TLK1: variants seen among roughly 807,000 people sequenced by gnomAD.
TLK1 encodes the protein serine/threonine-protein kinase tousled-like 1.
In TLK1, 24 loss-of-function variants were observed where a neutral mutation model predicts 105.3. That is an observed-to-expected ratio of 0.23 (90% CI 0.17 to 0.32). The LOEUF is 0.32. TLK1 is among the 10% of genes least tolerant of loss of function. The pLI is 1.00. For missense variants in TLK1, 558 were observed against 910.5 expected, an observed-to-expected ratio of 0.61 and a Z score of 4.98; for synonymous variants, 321 against 310.4, an observed-to-expected ratio of 1.03 and a Z score of -0.36.
At chr2:171,056,692 C>CAA in intron 5 of TLK1, 126 bp from the exon 6 acceptor site, 1 of 582,692 alleles carries the variant, frequency 1.7e-6, no homozygotes, top group Non-Finnish European at 2.7e-6. Context: ...TAAATGGGTC[C>CAA]AGAACAAAAA....
intron 1 of TLK1, among the ~76,000 whole-genome samples, chr2:171,150,610 G>A (rs1185307088): frequency 6.6e-6 from 1 of 152,212 alleles, no homozygotes; most frequent in African/African-American, 2.4e-5. Context: ...CAACTGACAT[G>A]TGGACATCAG....
chr2:171,146,918 C>T (rs1028050691), intron 1 of TLK1, among the ~76,000 whole-genome samples: 3 of 152,172 alleles, frequency 2.0e-5, no homozygotes, highest in African/African-American at 7.2e-5. Flanking sequence ...TCCTTAAGGC[C>T]TAACTGGGGT....
intron 3 of TLK1, among the ~76,000 whole-genome samples, chr2:171,073,464 G>A (rs1395168723): frequency 1.3e-5 from 2 of 151,966 alleles, no homozygotes; most frequent in African/African-American, 4.8e-5. Context: ...TCCAAGCAGG[G>A]AGCCTGGCTA....
intron 20 of TLK1, among the ~76,000 whole-genome samples, chr2:170,996,054 G>A (rs1684043992): frequency 6.6e-6 from 1 of 151,566 alleles, no homozygotes; most frequent in South Asian, 2.1e-4. Context: ...TTTGAGTGCA[G>A]CGGTATCGTC....
chr2:171,134,710 G>T (rs1217332607), intron 1 of TLK1, among the ~76,000 whole-genome samples: 1 of 144,062 alleles, frequency 6.9e-6, no homozygotes. Flanking sequence ...TATATACAAT[G>T]TAATACTATT....
At chr2:171,157,519 A>G (rs1031393243) in intron 1 of TLK1, among the ~76,000 whole-genome samples, 2 of 152,358 alleles carry the variant, frequency 1.3e-5, no homozygotes, top group South Asian at 4.1e-4. Context: ...AAAGAAATCT[A>G]TACTATATTT....
At chr2:171,212,931 G>GTATTTAC (rs1693647254) in intron 1 of TLK1, among the ~76,000 whole-genome samples, 1 of 151,438 alleles carries the variant, frequency 6.6e-6, no homozygotes, top group Non-Finnish European at 1.5e-5. Context: ...TATTTAACAT[G>GTATTTAC]AAAAAACTTG....
At chr2:171,163,404 T>C (rs933606681), upstream of TLK1, among the ~76,000 whole-genome samples, 1 of 152,228 alleles carries the variant, frequency 6.6e-6, no homozygotes, top group Admixed American at 6.5e-5. Context: ...AGAGTTTCTG[T>C]AATGACATGT....
intron 1 of TLK1, among the ~76,000 whole-genome samples, chr2:171,127,435 A>C (rs1390264910): frequency 6.6e-6 from 1 of 152,072 alleles, no homozygotes; most frequent in Non-Finnish European, 1.5e-5. Flanking sequence ...TTTAGCTATA[A>C]CTTTTGTTGG....
chr2:171,153,272 T>TA (rs1207958409), intron 1 of TLK1, among the ~76,000 whole-genome samples: 74 of 152,354 alleles, frequency 4.9e-4, no homozygotes, highest in African/African-American at 1.8e-3. Flanking sequence ...AAGATGGGAA[T>TA]AACAACTGTA....
At chr2:171,052,920 C>T (rs1426998937) in intron 8 of TLK1, among the ~76,000 whole-genome samples, 1 of 152,182 alleles carries the variant, frequency 6.6e-6, no homozygotes, top group Non-Finnish European at 1.5e-5. Context: ...TTTAAAACTA[C>T]CAATGTCCAA....
intron 11 of TLK1, among the ~76,000 whole-genome samples, chr2:171,030,345 C>G (rs952687485): frequency 6.6e-6 from 1 of 152,148 alleles, no homozygotes; most frequent in African/African-American, 2.4e-5. Context: ...TTAAACTTCT[C>G]TACCTAGTCT....
chr2:171,014,907 T>C lies in TLK1; in HGVS notation c.1278A>G (p.Arg426=). 6.2e-7 allele frequency: 1 copy of C among 1,614,048 alleles called. No homozygotes were observed. The highest frequency in any genetic ancestry group is 8.5e-7 in the Non-Finnish European group (1 of 1,179,962). Residue 426 remains arginine (R), a synonymous_variant, in exon 13 of 21, where the codon AGA becomes AGG. Coordinates refer to ENST00000431350, the MANE Select transcript of TLK1 (RefSeq NM_012290.5). ...GCTCACGTATGTGAAGATTTCTGAC[T>C]CTTTCCAAACGTTCAAGTTCTGCCT... ...EIQAELERLE[R]VRNLHIRELK... is the part of the protein sequence containing the mutation.
At chr2:171,105,999 C>T (rs186494434) in intron 2 of TLK1, among the ~76,000 whole-genome samples, 4 of 152,270 alleles carry the variant, frequency 2.6e-5, no homozygotes, top group East Asian at 1.9e-4. Context: ...ATGTGGTATA[C>T]ATACACAATG....
chr2:170,993,463 TTAC>T lies in TLK1; in HGVS notation c.*314_*316del. The T allele has an allele frequency of 4.6e-6, 1 of 215,872 alleles. No individual in the cohort carries two copies. The highest frequency in any genetic ancestry group is 9.0e-6 in the Non-Finnish European group (1 of 110,904). The allele number at this position is 215,872 out of a possible 1,614,324, so 13.4% of individuals were successfully genotyped here. A position where few individuals can be genotyped will look rare whatever the true frequency, so the allele number is the denominator to read the frequency against. ...TGTATTTAAGTATTATAAACGTTAT[TTAC>T]AGTGTTCCCCCAAATAAACAAAATT... On this transcript the variant is annotated 3_prime_UTR_variant, in exon 21 of 21. Transcript: ENST00000431350.
At chr2:171,023,168 C>A (rs559526087) in intron 12 of TLK1, 1 of 470,884 alleles carries the variant, frequency 2.1e-6, no homozygotes, top group South Asian at 1.5e-5. Flanking sequence ...AATGCCACAT[C>A]GCAAGGAGCA....
rs74751472 is a variant in TLK1 at position 171,115,297 on chromosome 2, G to A, written c.258+2442C>T. 7.3e-5 allele frequency among the ~76,000 whole-genome samples: 11 copies of A among 150,368 alleles called. No homozygotes were observed. In the East Asian group the frequency reaches 2.1e-3, roughly 29 times the overall value. On this transcript the variant is annotated intron_variant, in intron 2 of 20. Transcript: ENST00000431350. Reference sequence around the variant, plus strand: ...AGCAATTCTCCTGCCTCAGCCTCCCGAGTAGCTAGGATTACAGGCATGCAC... The same window carrying A: ...AGCAATTCTCCTGCCTCAGCCTCCCAAGTAGCTAGGATTACAGGCATGCAC...
chr2:171,139,339 T>C (rs754932232), intron 1 of TLK1, among the ~76,000 whole-genome samples: 1 of 152,212 alleles, frequency 6.6e-6, no homozygotes, highest in Non-Finnish European at 1.5e-5. Flanking sequence ...GGCTCACGCC[T>C]GTAATCCCAG....
intron 1 of TLK1, among the ~76,000 whole-genome samples, chr2:171,157,340 A>C (rs1220503280): frequency 6.6e-6 from 1 of 152,220 alleles, no homozygotes; most frequent in African/African-American, 2.4e-5. Context: ...ACTGGCCTTT[A>C]CTTGAAAACC....
Sources: allele counts gnomAD v4.1 joint callset (sites outside exome capture counted in the v4.1 genomes callset), GRCh38; gene constraint gnomAD v4.1.1; transcripts MANE v1.5; gene names NCBI Gene and HGNC (gene_info 2026-07-23, HGNC 2026-07-21).